The following FCRL4 variants were observed in gnomAD, a reference collection of about 807,000 sequenced individuals.
The protein encoded by FCRL4 is Fc receptor-like protein 4.
Under a neutral mutation model 64.1 loss-of-function variants are expected in FCRL4, and 43 were observed. The observed-to-expected ratio is 0.67, with a 90% CI of 0.53 to 0.87. FCRL4 has a LOEUF of 0.87. Among genes scored for constraint, FCRL4 ranks in the 40% least tolerant of loss-of-function variants. The pLI is 0.00. For missense variants in FCRL4, 656 were observed against 613.5 expected, an observed-to-expected ratio of 1.07 and a Z score of -0.73; for synonymous variants, 253 against 239.8, an observed-to-expected ratio of 1.05 and a Z score of -0.51.
At chr1:157,579,297 C>G (rs1027894866) in intron 8 of FCRL4, among the ~76,000 whole-genome samples, 8 of 152,146 alleles carry the variant, frequency 5.3e-5, no homozygotes, top group Admixed American at 4.6e-4. Flanking sequence ...TTAAGCCTGG[C>G]AGGTCAAGAC....
At position 157,588,007 on chromosome 1, in the gene FCRL4, T is replaced by G. The variant is rs758998954; in HGVS notation, c.420A>C (p.Gly140=). ...TTTTATTAGAAATGGAAAGAATGTTTCCATTCCAAGTATATTTCACAGCAG... is the reference window on the plus strand; with the variant it reads ...TTTTATTAGAAATGGAAAGAATGTTGCCATTCCAAGTATATTTCACAGCAG... ...KLTAVKYTWN[G]NILSISNKSW... Residue 140 remains glycine (G), a synonymous_variant, in exon 4 of 12, where the codon GGA becomes GGC. Coordinates refer to ENST00000271532, the MANE Select transcript of FCRL4 (RefSeq NM_031282.3). The G allele has an allele frequency of 1.9e-6, 3 of 1,613,182 alleles. No homozygotes were observed. In the South Asian group the frequency reaches 3.3e-5, roughly 18 times the overall value.
intron 7 of FCRL4, 190 bp from the exon 8 acceptor site, chr1:157,580,538 G>A: frequency 1.6e-6 from 1 of 606,196 alleles, no homozygotes; most frequent in Non-Finnish European, 3.0e-6. Flanking sequence ...GGCCAGGACT[G>A]CACACTCCTG....
chr1:157,575,498 G>A lies in FCRL4; in HGVS notation c.*26C>T. ...GGACAAGGGAGAAATCACATGAGTAGGACGTTCTCGTAACTTTTCATTCTC... is the reference window on the plus strand; with the variant it reads ...GGACAAGGGAGAAATCACATGAGTAAGACGTTCTCGTAACTTTTCATTCTC... On this transcript the variant is annotated 3_prime_UTR_variant, in exon 12 of 12. Transcript: ENST00000271532. 1 of 1,566,772 alleles carries A rather than the reference G, an allele frequency of 6.4e-7. No individual in the cohort carries two copies. The highest frequency in any genetic ancestry group is 1.1e-5 in the South Asian group (1 of 89,388).
intron 8 of FCRL4, 75 bp from the exon 9 acceptor site, chr1:157,578,927 G>A (rs1426745942): frequency 9.9e-6 from 12 of 1,214,270 alleles, no homozygotes; most frequent in South Asian, 8.9e-5. Context: ...CAGGGAGAGC[G>A]GCAGAGGAGA....
At chr1:157,587,750 T>C in intron 4 of FCRL4, 115 bp downstream of exon 4, 2 of 1,182,162 alleles carry the variant, frequency 1.7e-6, no homozygotes, top group Non-Finnish European at 1.2e-6. Context: ...TCTTAGAGGA[T>C]TTGTGCCTCT....
In FCRL4 at chr1:157,573,981, T is replaced by A. The variant is rs1417190230; in HGVS notation, c.*1543A>T. 1 of 201,296 alleles carries A rather than the reference T, an allele frequency of 5.0e-6. No individual in the cohort carries two copies. Among genetic ancestry groups the A allele is most frequent in the Non-Finnish European group, 1.0e-5 (1 of 97,768 alleles). The allele number at this position is 201,296 out of a possible 1,614,324, so 12.5% of individuals were successfully genotyped here. A position where few individuals can be genotyped will look rare whatever the true frequency, so the allele number is the denominator to read the frequency against. On this transcript the variant is annotated 3_prime_UTR_variant, in exon 12 of 12. Transcript: ENST00000271532. Reference sequence around the variant, plus strand: ...CATTCCTTTTGGTCGACATGTCTCGTCTCATTTAATTTATATGTCTTCTAT... The same window carrying A: ...CATTCCTTTTGGTCGACATGTCTCGACTCATTTAATTTATATGTCTTCTAT...
chr1:157,589,539 G>A lies in FCRL4; in HGVS notation c.53-81C>T, dbSNP rs1208985185. On this transcript the variant is annotated intron_variant, in intron 2 of 11. Transcript: ENST00000271532. ...GTGGCTTGTGTGGGTTACAGTGGAG[G>A]ACATGGCTTGGGAGATCCCTAAGAT... 3.3e-6 allele frequency: 5 copies of A among 1,535,852 alleles called. No individual in the cohort carries two copies. In the African/African-American group the frequency reaches 5.5e-5, roughly 17 times the overall value.
At position 157,595,689 on chromosome 1, in the gene FCRL4, A is replaced by G. The variant is rs185910981; in HGVS notation, c.52+639T>C. On this transcript the variant is annotated intron_variant, in intron 2 of 11. Coordinates refer to ENST00000271532, the MANE Select transcript of FCRL4 (RefSeq NM_031282.3). The stretch of plus-strand genomic sequence containing the variant: ...GTCCAAGGCACCGAGGAGGGGAAGA[A>G]CAGCAGAGTTAGGAGCTGCAAGAGA... Among the ~76,000 whole-genome samples, 5 of 152,358 alleles carry G rather than the reference A, an allele frequency of 3.3e-5. No homozygotes were observed. In the East Asian group the frequency reaches 9.6e-4, roughly 29 times the overall value.
chr1:157,585,344 CTCTTTCTTTCTTTCTTTCTTTCTT>C (rs764765610), intron 6 of FCRL4, among the ~76,000 whole-genome samples: 5 of 81,276 alleles, frequency 6.2e-5, no homozygotes, highest in African/African-American at 1.3e-4. Flanking sequence ...CTTTCTCTCT[CTCTTTCTTTCTTTCTTTCTTTCTT>C]TCTTTCTTTC....
At chr1:157,585,783 G>A (rs190232341) in intron 6 of FCRL4, among the ~76,000 whole-genome samples, 2 of 152,072 alleles carry the variant, frequency 1.3e-5, no homozygotes, top group African/African-American at 2.4e-5. Context: ...GATGTGTGTG[G>A]TGTGTGTGAA....
chr1:157,587,903 T>A lies in FCRL4; in HGVS notation c.524A>T (p.Asp175Val), dbSNP rs1652740549. The change falls in exon 4 of 12, where the codon GAT becomes GTT. Residue 175 changes from aspartate (D) to valine (V), a missense_variant. Coordinates refer to ENST00000271532, the MANE Select transcript of FCRL4 (RefSeq NM_031282.3). The part of the protein sequence containing the change: ...YRCIGYGDEN[D>V]VFRSNFKIIK... The stretch of plus-strand genomic sequence containing the variant: ...TATTTTGAAATTTGATCTAAATACA[T>A]CATTCTCGTCTCCATATCCAATGCA... 6.2e-7 allele frequency: 1 copy of A among 1,609,846 alleles called. No homozygotes were observed. Among genetic ancestry groups the A allele is most frequent in the Non-Finnish European group, 8.5e-7 (1 of 1,176,786 alleles).
At chr1:157,576,117 C>T (rs978503304) in intron 10 of FCRL4, among the ~76,000 whole-genome samples, 1 of 152,076 alleles carries the variant, frequency 6.6e-6, no homozygotes, top group Admixed American at 6.6e-5. Flanking sequence ...ATATGCATGC[C>T]CTGTGAGAAA....
intron 6 of FCRL4, among the ~76,000 whole-genome samples, chr1:157,582,458 C>T (rs567664241): frequency 6.6e-6 from 1 of 152,116 alleles, no homozygotes; most frequent in South Asian, 2.1e-4. Context: ...CGCTAAAGAG[C>T]AAAAAGCATG....
At chr1:157,589,084 TA>T in intron 3 of FCRL4, 119 bp downstream of exon 3, 1 of 1,132,252 alleles carries the variant, frequency 8.8e-7, no homozygotes, top group Non-Finnish European at 1.3e-6. Flanking sequence ...AATATGAAAC[TA>T]AAGGAGCTGG....
Position 157,597,990 on chromosome 1 carries a change from C to G in FCRL4, c.-46G>C. Reference sequence around the variant, plus strand: ...GAGAAGGAGTTCTGAGGAGACAAGCCAGGTCAGCCCAGATTGCCAAAGCAG... The same window carrying G: ...GAGAAGGAGTTCTGAGGAGACAAGCGAGGTCAGCCCAGATTGCCAAAGCAG... On this transcript the variant is annotated 5_prime_UTR_variant, in exon 1 of 12. Transcript: ENST00000271532. The G allele has an allele frequency of 1.3e-6, 2 of 1,527,624 alleles. No individual in the cohort carries two copies. The highest frequency in any genetic ancestry group is 1.8e-6 in the Non-Finnish European group (2 of 1,104,358). 94.6% of individuals were successfully genotyped at this position (1,527,624 alleles called of 1,614,324 possible). A position where few individuals can be genotyped will look rare whatever the true frequency, so the allele number is the denominator to read the frequency against.
rs1294574737 is a variant in FCRL4, at chr1:157,581,549, A to G, written c.1231T>C (p.Trp411Arg). 1.2e-6 allele frequency: 2 copies of G among 1,614,010 alleles called. No homozygotes were observed. Among genetic ancestry groups the G allele is most frequent in the Admixed American group, 3.3e-5 (2 of 60,028 alleles). ...LLAVALLFHCWRRRKSGVGFL... is the reference protein window; with the variant it reads ...LLAVALLFHCRRRRKSGVGFL... ...CACAAACCTGACTTCCTCCGACGCC[A>G]GCAGTGAAACAGCAGGGCCACAGCC... is the stretch of plus-strand genomic sequence containing the variant. Residue 411 changes from tryptophan to arginine, a missense_variant, in exon 7 of 12, where the codon TGG becomes CGG. Coordinates refer to ENST00000271532, the MANE Select transcript of FCRL4 (RefSeq NM_031282.3).
chr1:157,578,186 A>T (rs1419923389), intron 10 of FCRL4, among the ~76,000 whole-genome samples: 1 of 152,222 alleles, frequency 6.6e-6, no homozygotes, highest in Non-Finnish European at 1.5e-5. Context: ...ACATTTATTC[A>T]TTCAGACCTA....
chr1:157,597,780 C>A, intron 1 of FCRL4, 134 bp downstream of exon 1: 1 of 615,690 alleles, frequency 1.6e-6, no homozygotes, highest in South Asian at 2.2e-5. Flanking sequence ...AAATCATTAT[C>A]TTTCCTTTTT....
In FCRL4 at chr1:157,573,791, A is replaced by C. The variant is rs1396583241; in HGVS notation, c.*1733T>G. On this transcript the variant is annotated 3_prime_UTR_variant, in exon 12 of 12. Transcript: ENST00000271532. ...ATCTAATACTTCAGTATAAGCGCTG[A>C]AAGTGAATATCCTTTTGCTTTTATA... is the stretch of plus-strand genomic sequence containing the variant. The C allele has an allele frequency of 1.6e-5, 3 of 186,058 alleles. No individual in the cohort carries two copies. Among genetic ancestry groups the C allele is most frequent in the African/African-American group, 2.3e-5 (1 of 42,790 alleles). The allele number at this position is 186,058 out of a possible 1,614,324, so 11.5% of individuals were successfully genotyped here.
Sources: allele counts gnomAD v4.1 joint callset (sites outside exome capture counted in the v4.1 genomes callset), GRCh38; gene constraint gnomAD v4.1.1; transcripts MANE v1.5; gene names NCBI Gene and HGNC (gene_info 2026-07-23, HGNC 2026-07-21).